The following SBK1 variants were observed in gnomAD, a reference collection of about 807,000 sequenced individuals.
The protein encoded by SBK1 is serine/threonine-protein kinase SBK1.
In SBK1, 11 loss-of-function variants were observed where a neutral mutation model predicts 24.4. That is an observed-to-expected ratio of 0.45 (90% CI 0.28 to 0.75). The LOEUF is 0.75. Ranked by LOEUF, SBK1 falls within the 30% of genes least tolerant of loss-of-function variation. SBK1 has a pLI of 0.12. For synonymous variants in SBK1, 308 were observed against 284.4 expected, an observed-to-expected ratio of 1.08 and a Z score of -0.83; for missense variants, 467 against 620.5, an observed-to-expected ratio of 0.75 and a Z score of 2.63.
Position 28,266,622 on chromosome 16 carries a change from T to C in SBK1, c.257+7120T>C, listed in dbSNP as rs147333296. ...ATGCTACAGGCAAGAACCCATTTCT[T>C]TGATTTTTCCATCTTCCAAAAGGTA... is the stretch of plus-strand genomic sequence containing the variant. On this transcript the variant is annotated intron_variant, in intron 1 of 3. Coordinates refer to the SBK1 transcript ENST00000671413. Among the ~76,000 whole-genome samples the C allele has an allele frequency of 3.0e-4, 46 of 152,146 alleles. No homozygotes were observed. In the East Asian group the frequency reaches 8.7e-3, roughly 29 times the overall value.
chr16:28,279,413 C>CAA (rs34582546), intron 1 of SBK1, among the ~76,000 whole-genome samples: 8,219 of 84,568 alleles, frequency 0.097, 863 homozygotes, highest in African/African-American at 0.3. Context: ...AAAACAAAAC[C>CAA]AAAAAAAAAA....
At chr16:28,290,073 G>A (rs1269734472), upstream of SBK1, among the ~76,000 whole-genome samples, 2 of 147,704 alleles carry the variant, frequency 1.4e-5, no homozygotes, top group African/African-American at 2.5e-5. Context: ...GTGACAAAGT[G>A]AGACCCTGTC....
In SBK1 at chr16:28,320,843, C is replaced by T; in HGVS notation, c.1197C>T (p.Pro399=). 6.8e-7 allele frequency: 1 copy of T among 1,471,400 alleles called. No individual in the cohort carries two copies. Among genetic ancestry groups the T allele is most frequent in the Non-Finnish European group, 9.0e-7 (1 of 1,112,566 alleles). The allele number at this position is 1,471,400 out of a possible 1,614,324, so 91.1% of individuals were successfully genotyped here. Residue 399 remains proline, a synonymous_variant, in exon 4 of 4, where the codon CCC becomes CCT. Coordinates refer to ENST00000341901, the MANE Select transcript of SBK1 (RefSeq NM_001024401.3). This position sits in a 1 kb window ranked among gnomAD's most constrained non-coding sequence, Gnocchi z 8.5. ...VPEPGLAPQG[P]PGRTDGRADK... ...AGCCCGGCCTAGCTCCCCAGGGGCC[C>T]CCCGGCCGGACCGACGGCCGCGCGG...
At position 28,320,760 on chromosome 16, in the gene SBK1, T is replaced by TCGGTGCCCTTGCCCGTGC. The variant is rs2044835486; in HGVS notation, c.1122_1139dup (p.Leu375_Pro380dup). 7.3e-7 allele frequency: 1 copy of TCGGTGCCCTTGCCCGTGC among 1,363,776 alleles called. No homozygotes were observed. The highest frequency in any genetic ancestry group is 4.1e-5 in the East Asian group (1 of 24,478). The allele number at this position is 1,363,776 out of a possible 1,614,324, so 84.5% of individuals were successfully genotyped here. On this transcript the variant is annotated inframe_insertion, in exon 4 of 4. Coordinates refer to ENST00000341901, the MANE Select transcript of SBK1 (RefSeq NM_001024401.3). The surrounding 1 kb of genome is among the most constrained non-coding windows in gnomAD (Gnocchi z 8.5). Reference sequence around the variant, plus strand: ...CCGGCCCGCGCCCCCCGCCGTCGGGTCGGTGCCCTTGCCCGTGCCGGTGCC... The same window carrying TCGGTGCCCTTGCCCGTGC: ...CCGGCCCGCGCCCCCCGCCGTCGGGTCGGTGCCCTTGCCCGTGCCGGTGCCCTTGCCCGTGCCGGTGCC...
chr16:28,264,921 G>A (rs8058566), intron 1 of SBK1, among the ~76,000 whole-genome samples: 100,813 of 151,868 alleles, frequency 0.66, 34,449 homozygotes, highest in East Asian at 0.92. Flanking sequence ...GAAGTGTCGC[G>A]AGGAGAGGGG....
At chr16:28,313,079 A>G (rs1295914904) in intron 1 of SBK1, among the ~76,000 whole-genome samples, 1 of 152,206 alleles carries the variant, frequency 6.6e-6, no homozygotes, top group Non-Finnish European at 1.5e-5. Flanking sequence ...GCGGCGAGCC[A>G]AGATTGCACC....
At chr16:28,301,926 CAAG>C (rs1436684563) in intron 1 of SBK1, among the ~76,000 whole-genome samples, 6 of 152,198 alleles carry the variant, frequency 3.9e-5, no homozygotes, top group Non-Finnish European at 7.3e-5. Context: ...GAAGGGAAGA[CAAG>C]GAGGGGATTT....
rs757784983 is a variant in SBK1, at chr16:28,320,867, G to C, written c.1221G>C (p.Ala407=). ...QGPPGRTDGR[A]DKSKGQVVLA... The stretch of plus-strand genomic sequence containing the variant: ...CCCCCGGCCGGACCGACGGCCGCGC[G>C]GACAAGAGCAAAGGGCAGGTGGTGC... Residue 407 remains alanine (A), a synonymous_variant, in exon 4 of 4, where the codon GCG becomes GCC. Coordinates refer to ENST00000341901, the MANE Select transcript of SBK1 (RefSeq NM_001024401.3). The surrounding 1 kb of genome is among the most constrained non-coding windows in gnomAD (Gnocchi z 8.5). 1.3e-6 allele frequency: 2 copies of C among 1,499,920 alleles called. No homozygotes were observed. The highest frequency in any genetic ancestry group is 4.0e-5 in the Admixed American group (2 of 50,516). The allele number at this position is 1,499,920 out of a possible 1,614,324, so 92.9% of individuals were successfully genotyped here.
Position 28,319,935 on chromosome 16 carries a change from C to A in SBK1, c.430-141C>A. 2.7e-6 allele frequency: 2 copies of A among 743,396 alleles called. No individual in the cohort carries two copies. The highest frequency in any genetic ancestry group is 4.1e-6 in the Non-Finnish European group (2 of 487,054). 46.0% of individuals were successfully genotyped at this position (743,396 alleles called of 1,614,324 possible). Reference sequence around the variant, plus strand: ...GAAAGGGCGCTCAGCAGCATCCGGGCCGCGTCTGCGCGGTCGCCCCAGTTA... The same window carrying A: ...GAAAGGGCGCTCAGCAGCATCCGGGACGCGTCTGCGCGGTCGCCCCAGTTA... On this transcript the variant is annotated intron_variant, in intron 3 of 3. Transcript: ENST00000341901. This position sits in a 1 kb window ranked among gnomAD's most constrained non-coding sequence, Gnocchi z 4.0.
intron 1 of SBK1, among the ~76,000 whole-genome samples, chr16:28,295,987 G>A (rs1216749617): frequency 4.7e-5 from 7 of 148,080 alleles, no homozygotes; most frequent in Admixed American, 2.7e-4. Context: ...GTGTAATGGC[G>A]AGATCTCGGC....
In SBK1 at chr16:28,261,473, ACACAC is replaced by A. The variant is rs1487334905; in HGVS notation, c.257+1972_257+1976del. Among the ~76,000 whole-genome samples the A allele has an allele frequency of 2.9e-3, 398 of 138,006 alleles. 1 individual carries two copies. The highest frequency in any genetic ancestry group is 9.9e-3 in the African/African-American group (385 of 39,010). 90.5% of individuals were successfully genotyped at this position (138,006 alleles called of 152,430 possible). A position where few individuals can be genotyped will look rare whatever the true frequency, so the allele number is the denominator to read the frequency against. ...CACACACACACACACACACACACACACACACAATTAGCCAGGCATGGTGGCATGCA... is the reference window on the plus strand; with the variant it reads ...CACACACACACACACACACACACACAAATTAGCCAGGCATGGTGGCATGCA... On this transcript the variant is annotated intron_variant, in intron 1 of 3. Transcript: ENST00000671413.
chr16:28,305,204 T>C (rs1345244149), intron 1 of SBK1, among the ~76,000 whole-genome samples: 1 of 149,466 alleles, frequency 6.7e-6, no homozygotes, highest in Non-Finnish European at 1.5e-5. Context: ...CCCCGCCAGA[T>C]CTTTCTTTCT....
At chr16:28,265,327 G>A (rs536184029) in intron 1 of SBK1, among the ~76,000 whole-genome samples, 1 of 152,224 alleles carries the variant, frequency 6.6e-6, no homozygotes, top group Non-Finnish European at 1.5e-5. Context: ...GTTGAGGTGG[G>A]AGGGTTGCTT....
chr16:28,294,413 C>T (rs1008139290), intron 1 of SBK1, among the ~76,000 whole-genome samples: 1 of 152,194 alleles, frequency 6.6e-6, no homozygotes, highest in Non-Finnish European at 1.5e-5. Context: ...CTCGGGAAGG[C>T]AGGACCCAGG....
chr16:28,292,582 C>A lies in SBK1; in HGVS notation c.-726C>A, dbSNP rs1364280178. The A allele has an allele frequency of 2.0e-6, 2 of 979,158 alleles. No homozygotes were observed. The highest frequency in any genetic ancestry group is 1.8e-5 in the African/African-American group (1 of 56,286). 60.7% of individuals were successfully genotyped at this position (979,158 alleles called of 1,614,324 possible). ...CCGGGGCCGGGGCCCGAGCGCCAGG[C>A]GGAGCGCGAGCTGGAGCCGCAGCCG... On this transcript the variant is annotated 5_prime_UTR_variant, in exon 1 of 4. Coordinates refer to ENST00000341901, the MANE Select transcript of SBK1 (RefSeq NM_001024401.3).
chr16:28,261,610 A>G (rs751688518), intron 1 of SBK1, among the ~76,000 whole-genome samples: 5 of 152,192 alleles, frequency 3.3e-5, no homozygotes, highest in Non-Finnish European at 7.3e-5. Context: ...AGCCTAGGCG[A>G]CAGAGTGAGA....
At chr16:28,270,698 C>T (rs985046291) in intron 1 of SBK1, among the ~76,000 whole-genome samples, 3 of 151,982 alleles carry the variant, frequency 2.0e-5, no homozygotes, top group Non-Finnish European at 4.4e-5. Context: ...GCTGGGATTA[C>T]AGGCATGAGC....
Position 28,292,979 on chromosome 16 carries a change from A to G in SBK1, c.-329A>G, listed in dbSNP as rs1455680044. ...GGGATTGCGAGAACCCCCTCCCAAG[A>G]TCCGGTCATTACAACTCCACACCTC... is the stretch of plus-strand genomic sequence containing the variant. On this transcript the variant is annotated 5_prime_UTR_variant, in exon 1 of 4. Coordinates refer to ENST00000341901, the MANE Select transcript of SBK1 (RefSeq NM_001024401.3). 2 of 984,266 alleles carry G rather than the reference A, an allele frequency of 2.0e-6. No individual in the cohort carries two copies. The highest frequency in any genetic ancestry group is 2.3e-4 in the East Asian group (2 of 8,834). The allele number at this position is 984,266 out of a possible 1,614,324, so 61.0% of individuals were successfully genotyped here. A position where few individuals can be genotyped will look rare whatever the true frequency, so the allele number is the denominator to read the frequency against.
chr16:28,262,633 G>A (rs1422476932), intron 1 of SBK1, among the ~76,000 whole-genome samples: 2 of 152,198 alleles, frequency 1.3e-5, no homozygotes, highest in East Asian at 1.9e-4. Flanking sequence ...TATAATAGAG[G>A]TGTGAGCACT....
Sources: allele counts gnomAD v4.1 joint callset (sites outside exome capture counted in the v4.1 genomes callset), GRCh38; gene constraint gnomAD v4.1.1; non-coding constraint Gnocchi (gnomAD v3.1); transcripts MANE v1.5; gene names NCBI Gene and HGNC (gene_info 2026-07-23, HGNC 2026-07-21).